Variants in STARD13 observed in about 807,000 individuals in gnomAD.
STARD13 encodes StAR related lipid transfer domain containing 13.
Under a neutral mutation model 106.4 loss-of-function variants are expected in STARD13, and 62 were observed. The ratio of observed to expected loss-of-function variants is 0.58; its 90% confidence interval spans 0.48 to 0.72. The LOEUF is 0.72. STARD13 is among the 30% of genes least tolerant of loss of function. STARD13 has a pLI of 0.00. For missense variants in STARD13, 1,387 were observed against 1,424.0 expected, an observed-to-expected ratio of 0.97 and a Z score of 0.42; for synonymous variants, 565 against 553.0, an observed-to-expected ratio of 1.02 and a Z score of -0.31.
At chr13:33,269,969 T>C (rs1891078443) in intron 1 of STARD13, among the ~76,000 whole-genome samples, 1 of 152,142 alleles carries the variant, frequency 6.6e-6, no homozygotes, top group Non-Finnish European at 1.5e-5. Context: ...GACACAGTGG[T>C]TCACACCTGA....
At chr13:33,379,864 T>C in the STARD13 span, among the ~76,000 whole-genome samples, 1 of 152,222 alleles carries the variant, frequency 6.6e-6, no homozygotes, top group South Asian at 2.1e-4. Context: ...TTTGATTCCA[T>C]TTAATTTGAG....
the STARD13 span, among the ~76,000 whole-genome samples, chr13:33,606,168 G>A: frequency 2.0e-5 from 3 of 152,136 alleles, no homozygotes; most frequent in African/African-American, 7.2e-5. Context: ...GGGTGTAGTG[G>A]CAGGTATCTG....
the STARD13 span, among the ~76,000 whole-genome samples, chr13:33,585,008 C>T: frequency 6.6e-6 from 1 of 152,162 alleles, no homozygotes; most frequent in Non-Finnish European, 1.5e-5. Context: ...GAACCATGAG[C>T]CAATTAAACC....
chr13:33,471,983 A>G, the STARD13 span, among the ~76,000 whole-genome samples: 1 of 152,142 alleles, frequency 6.6e-6, no homozygotes, highest in Non-Finnish European at 1.5e-5. Context: ...TTATTAATAT[A>G]AAATAAAAGC....
chr13:33,524,622 G>T, the STARD13 span, among the ~76,000 whole-genome samples: 2 of 151,928 alleles, frequency 1.3e-5, no homozygotes, highest in African/African-American at 2.4e-5. Context: ...AAAAGTGATT[G>T]TAAACTCTCA....
chr13:33,360,206 ATT>A, the STARD13 span, among the ~76,000 whole-genome samples: 1 of 149,402 alleles, frequency 6.7e-6, no homozygotes, highest in Admixed American at 6.7e-5. Flanking sequence ...AAGGCAGTCG[ATT>A]TTTTTTTTTC....
At chr13:33,519,180 C>T in the STARD13 span, among the ~76,000 whole-genome samples, 1 of 148,010 alleles carries the variant, frequency 6.8e-6, no homozygotes, top group Non-Finnish European at 1.5e-5. Context: ...ACTCCCACTC[C>T]TGTTGATGAT....
chr13:33,257,858 T>A (rs1187695420), intron 1 of STARD13, among the ~76,000 whole-genome samples: 2 of 152,240 alleles, frequency 1.3e-5, no homozygotes, highest in Non-Finnish European at 2.9e-5. Flanking sequence ...AATTTGCATT[T>A]AACAAGGAAA....
intron 1 of STARD13, among the ~76,000 whole-genome samples, chr13:33,233,192 C>T (rs1416224263): frequency 2.0e-5 from 3 of 152,230 alleles, no homozygotes; most frequent in Admixed American, 6.5e-5. Flanking sequence ...GTTAAATCCT[C>T]GGATTGGACT....
At chr13:33,110,173 A>G in intron 11 of STARD13, 83 bp from the exon 12 acceptor site, 1 of 1,248,734 alleles carries the variant, frequency 8.0e-7, no homozygotes, top group Non-Finnish European at 1.1e-6. Context: ...TAGTTTTGCT[A>G]TCATACCTTG....
intron 3 of STARD13, among the ~76,000 whole-genome samples, chr13:33,156,899 T>A (rs959258675): frequency 1.3e-5 from 2 of 152,244 alleles, no homozygotes; most frequent in African/African-American, 4.8e-5. Flanking sequence ...GTGGTGATCA[T>A]GTAACCCTCA....
the STARD13 span, among the ~76,000 whole-genome samples, chr13:33,561,696 G>T: frequency 6.8e-6 from 1 of 146,594 alleles, no homozygotes; most frequent in East Asian, 2.0e-4. Flanking sequence ...CTTTGTAAAG[G>T]TATTGCTAAT....
At chr13:33,228,428 T>A (rs1172939365) in intron 1 of STARD13, among the ~76,000 whole-genome samples, 1 of 151,678 alleles carries the variant, frequency 6.6e-6, no homozygotes, top group African/African-American at 2.4e-5. Context: ...AAGAGTACAG[T>A]TCATTTACAG....
chr13:33,420,356 G>A, the STARD13 span, among the ~76,000 whole-genome samples: 2 of 152,196 alleles, frequency 1.3e-5, no homozygotes, highest in Non-Finnish European at 2.9e-5. Flanking sequence ...AAGAGACAAA[G>A]AAGGCCATTA....
the STARD13 span, among the ~76,000 whole-genome samples, chr13:33,492,920 G>A: frequency 6.6e-6 from 1 of 152,086 alleles, no homozygotes; most frequent in East Asian, 1.9e-4. Flanking sequence ...TCTTTTTAAC[G>A]AGAAAGCTGA....
At chr13:33,465,351 GCC>G in the STARD13 span, among the ~76,000 whole-genome samples, 33 of 151,788 alleles carry the variant, frequency 2.2e-4, no homozygotes, top group East Asian at 6.4e-3. Context: ...GACTACAGGT[GCC>G]CGCCACCACG....
chr13:33,162,983 G>A (rs534053956), intron 3 of STARD13, among the ~76,000 whole-genome samples: 80 of 152,222 alleles, frequency 5.3e-4, no homozygotes, highest in African/African-American at 1.9e-3. Context: ...CCAAGACTGG[G>A]AAGAAAAAGA....
the STARD13 span, among the ~76,000 whole-genome samples, chr13:33,619,114 G>A: frequency 1.9e-4 from 29 of 149,424 alleles, no homozygotes; most frequent in Non-Finnish European, 3.5e-4. Flanking sequence ...TCTGAAAACC[G>A]TGGGCATTTC....
chr13:33,529,647 A>G, the STARD13 span, among the ~76,000 whole-genome samples: 1 of 152,200 alleles, frequency 6.6e-6, no homozygotes, highest in Non-Finnish European at 1.5e-5. Context: ...AAGCCAAAGT[A>G]TGTACAAAAC....
Sources: gnomAD v4.1 joint callset for allele counts (sites outside exome capture counted in the v4.1 genomes callset) on GRCh38, gnomAD v4.1.1 for gene constraint, MANE v1.5 for transcripts, NCBI Gene and HGNC (gene_info 2026-07-23, HGNC 2026-07-21) for gene names.